Variants in TRPV1 observed in about 807,000 individuals in gnomAD.
The protein encoded by TRPV1 is OTRPC1.
A neutral mutation model predicts 82.3 loss-of-function variants in TRPV1; 82 were observed. The observed-to-expected ratio is 1.00, with a 90% CI of 0.83 to 1.20. The LOEUF is 1.20. Ranked by LOEUF, TRPV1 falls within the 50% of genes most tolerant of loss-of-function variation. The pLI is 0.00. For synonymous variants in TRPV1, 515 were observed against 467.7 expected (o/e 1.10, Z -1.30); for missense variants, 1,067 against 1,096.8 (o/e 0.97, Z 0.38).
intron 14 of TRPV1, 82 bp downstream of exon 14, chr17:3,573,551 C>CCCCCCCCCCCCCCGCG: frequency 1.6e-6 from 1 of 635,234 alleles, no homozygotes; most frequent in South Asian, 6.1e-5. Context: ...ACCCACCCAC[C>CCCCCCCCCCCCCCGCG]TGCAGCCAGC....
At chr17:3,601,605 CT>C (rs541864141) in intron 2 of TRPV1, among the ~76,000 whole-genome samples, 24 of 148,294 alleles carry the variant, frequency 1.6e-4, no homozygotes, top group African/African-American at 1.5e-4. Context: ...CATTTCTCAC[CT>C]TTTTTTTTTA....
rs201605291 is a variant in TRPV1, at chr17:3,588,326, C to T, written c.1086G>A (p.Glu362=). The T allele has an allele frequency of 8.7e-5, 137 of 1,566,140 alleles. No homozygotes were observed. The highest frequency in any genetic ancestry group is 1.2e-4 in the Non-Finnish European group (136 of 1,155,794). ...YILQREIQEP[E]CRHLSRKFTE... is the part of the protein sequence containing the mutation. ...TGAACTTCCTGGACAGGTGCCTGCA[C>T]TCGGGCTCCTGGATCTCCCGCTGGA... Residue 362 remains glutamate, a synonymous_variant, in exon 8 of 17, where the codon GAG becomes GAA. Transcript: ENST00000572705.
At chr17:3,578,423 G>T (rs897352388) in intron 11 of TRPV1, 2 of 152,196 alleles carry the variant, frequency 1.3e-5, no homozygotes, top group Non-Finnish European at 2.9e-5. Context: ...ACTTTGGGAG[G>T]CAGATCACTT....
At chr17:3,580,272 T>C (rs912921219) in intron 11 of TRPV1, among the ~76,000 whole-genome samples, 185 bp downstream of exon 11, 1 of 152,170 alleles carries the variant, frequency 6.6e-6, no homozygotes, top group Non-Finnish European at 1.5e-5. Context: ...CCCTGGCCCC[T>C]GGCACAGAGC....
In TRPV1 at chr17:3,573,873, G is replaced by A; in HGVS notation, c.1863C>T (p.Cys621=). The change falls in exon 14 of 17, where the codon TGC becomes TGT. Residue 621 remains cysteine (C), a synonymous_variant. Coordinates refer to ENST00000572705, the MANE Select transcript of TRPV1 (RefSeq NM_080704.4). ...TGTTGTAGGAGCTATCGGGGGGCCT[G>A]CAGGCAGGCCCCCGCCACCTGTGCG... The part of the protein sequence containing the change: ...STSHRWRGPA[C]RPPDSSYNSL... 1.2e-6 allele frequency: 2 copies of A among 1,610,026 alleles called. No homozygotes were observed. The highest frequency in any genetic ancestry group is 1.1e-5 in the South Asian group (1 of 90,802).
rs949979705 is a variant in TRPV1 at position 3,570,816 on chromosome 17, C to T, written c.2347+708G>A. Among the ~76,000 whole-genome samples, 10 of 152,222 alleles carry T rather than the reference C, an allele frequency of 6.6e-5. No individual in the cohort carries two copies. In the East Asian group the frequency reaches 1.4e-3, roughly 21 times the overall value. ...GCAACCTCCGCCTCCCAGGTTCAACCGATTCTCCTGCTTCAGCCTCCCGAG... is the reference window on the plus strand; with the variant it reads ...GCAACCTCCGCCTCCCAGGTTCAACTGATTCTCCTGCTTCAGCCTCCCGAG... On this transcript the variant is annotated intron_variant, in intron 16 of 16. Transcript: ENST00000572705.
intron 2 of TRPV1, chr17:3,602,343 G>A (rs1224120522): frequency 6.6e-6 from 1 of 152,218 alleles, no homozygotes; most frequent in African/African-American, 2.4e-5. Context: ...CTCAGGAAAC[G>A]TTTGTTGGCG....
Position 3,585,882 on chromosome 17 carries a change from C to G in TRPV1, c.1269G>C (p.Leu423=), listed in dbSNP as rs760128921. 6.2e-7 allele frequency: 1 copy of G among 1,614,004 alleles called. No individual in the cohort carries two copies. The highest frequency in any genetic ancestry group is 2.2e-5 in the East Asian group (1 of 44,884). ...TGACGAATCTGTCCCACTTGTCCTG[C>G]AGGAGTCGGTTCAGCGGCTCCACCA... ...MLLVEPLNRL[L]QDKWDRFVKR... The change falls in exon 9 of 17, where the codon CTG becomes CTC. Residue 423 remains leucine, a synonymous_variant. Coordinates refer to ENST00000572705, the MANE Select transcript of TRPV1 (RefSeq NM_080704.4).
rs768665471 is a variant in TRPV1 at position 3,590,382 on chromosome 17, T to C, written c.615A>G (p.Ala205=). Residue 205 remains alanine, a synonymous_variant, in exon 6 of 17, where the codon GCA becomes GCG. Coordinates refer to ENST00000572705, the MANE Select transcript of TRPV1 (RefSeq NM_080704.4). Reference sequence around the variant, plus strand: ...TGCGTCTCTCGATGGCGATGTGCAGTGCTGTCTGGCCTACAGAGGACGCGC... The same window carrying C: ...TGCGTCTCTCGATGGCGATGTGCAGCGCTGTCTGGCCTACAGAGGACGCGC... The part of the protein sequence containing the change: ...YTDSYYKGQT[A]LHIAIERRNM... The C allele has an allele frequency of 1.2e-6, 2 of 1,613,816 alleles. No homozygotes were observed. The highest frequency in any genetic ancestry group is 2.2e-5 in the South Asian group (2 of 91,074).
intron 16 of TRPV1, among the ~76,000 whole-genome samples, chr17:3,570,558 G>A (rs1456989886): frequency 1.3e-5 from 2 of 152,154 alleles, no homozygotes; most frequent in East Asian, 1.9e-4. Context: ...GTTCAGGGTT[G>A]TAATTATAAC....
chr17:3,572,767 G>A (rs955523906), intron 14 of TRPV1, among the ~76,000 whole-genome samples: 6 of 152,212 alleles, frequency 3.9e-5, no homozygotes, highest in Admixed American at 2.0e-4. Context: ...CAGATCACCT[G>A]AGGTCAGGAG....
At chr17:3,576,981 A>T in intron 13 of TRPV1, 145 bp downstream of exon 13, 1 of 760,842 alleles carries the variant, frequency 1.3e-6, no homozygotes, top group Non-Finnish European at 2.1e-6. Context: ...AGCTCATTTC[A>T]GTGTGTCCTC....
chr17:3,595,448 CA>C (rs2075210813), intron 2 of TRPV1, among the ~76,000 whole-genome samples: 1 of 152,090 alleles, frequency 6.6e-6, no homozygotes, highest in African/African-American at 2.4e-5. Context: ...GCCTGGGGGC[CA>C]ATCAGAATAG....
At chr17:3,568,164 T>C (rs1402716697) in intron 16 of TRPV1, among the ~76,000 whole-genome samples, 1 of 151,392 alleles carries the variant, frequency 6.6e-6, no homozygotes, top group Non-Finnish European at 1.5e-5. Context: ...CTACTAAAAA[T>C]ACAAAAAATT....
intron 13 of TRPV1, among the ~76,000 whole-genome samples, chr17:3,575,385 A>G (rs1229277041): frequency 6.6e-6 from 1 of 152,076 alleles, no homozygotes; most frequent in East Asian, 1.9e-4. Flanking sequence ...TGGAAGGCTG[A>G]GGCAGGAGAA....
chr17:3,605,594 A>G (rs888508576), intron 2 of TRPV1, among the ~76,000 whole-genome samples: 3 of 152,140 alleles, frequency 2.0e-5, no homozygotes, highest in Non-Finnish European at 4.4e-5. Flanking sequence ...AAGAAATGTT[A>G]ACTGTCGTTA....
intron 5 of TRPV1, 44 bp from the exon 6 acceptor site, chr17:3,590,436 G>A (rs1411092379): frequency 2.5e-6 from 4 of 1,600,048 alleles, no homozygotes; most frequent in East Asian, 2.2e-5. Context: ...ACGGTCCTGT[G>A]GGGCTGCCGG....
intron 14 of TRPV1, among the ~76,000 whole-genome samples, chr17:3,572,984 GAAAAAAAA>G (rs137909617): frequency 1.4e-5 from 1 of 71,256 alleles, no homozygotes; most frequent in Non-Finnish European, 2.6e-5. Flanking sequence ...CTCCATCTCA[GAAAAAAAA>G]AAAAAAAAAA....
At chr17:3,604,789 A>G (rs1464901872) in intron 2 of TRPV1, among the ~76,000 whole-genome samples, 2 of 151,888 alleles carry the variant, frequency 1.3e-5, no homozygotes, top group South Asian at 2.1e-4. Flanking sequence ...CTGGCCCACC[A>G]TCTCTCCAGG....
Sources: gnomAD v4.1 joint callset for allele counts (sites outside exome capture counted in the v4.1 genomes callset) on GRCh38, gnomAD v4.1.1 for gene constraint, MANE v1.5 for transcripts, NCBI Gene and HGNC (gene_info 2026-07-23, HGNC 2026-07-21) for gene names.